GALNTL6: variants seen among roughly 807,000 people sequenced by gnomAD.
GALNTL6 encodes the protein polypeptide N-acetylgalactosaminyltransferase-like 6.
In GALNTL6, 46 loss-of-function variants were observed where a neutral mutation model predicts 73.7. The ratio of observed to expected loss-of-function variants is 0.62; its 90% CI spans 0.49 to 0.80. The LOEUF is 0.80. Among genes scored for constraint, GALNTL6 ranks in the 30% least tolerant of loss-of-function variants. The pLI, the probability that GALNTL6 is intolerant of heterozygous loss-of-function variation, is 0.00. For synonymous variants in GALNTL6, 259 were observed against 263.7 expected (o/e 0.98, Z 0.17); for missense variants, 604 against 755.0 (o/e 0.80, Z 2.34).
intron 5 of GALNTL6, among the ~76,000 whole-genome samples, chr4:172,633,861 TTA>T (rs1475147249): frequency 6.6e-6 from 1 of 152,226 alleles, no homozygotes; most frequent in Admixed American, 6.5e-5. Flanking sequence ...TCTGATGGTT[TTA>T]TAAATGGGAG....
At chr4:172,318,576 C>T (rs1361864154) in intron 4 of GALNTL6, among the ~76,000 whole-genome samples, 1 of 152,046 alleles carries the variant, frequency 6.6e-6, no homozygotes, top group Non-Finnish European at 1.5e-5. Context: ...GTGGTGGGCG[C>T]CTGTAATCCC....
chr4:172,606,979 G>A (rs1337795522), intron 5 of GALNTL6, among the ~76,000 whole-genome samples: 1 of 151,774 alleles, frequency 6.6e-6, no homozygotes, highest in Non-Finnish European at 1.5e-5. Context: ...AGAAACTGTG[G>A]TTACTCTGCT....
intron 5 of GALNTL6, among the ~76,000 whole-genome samples, chr4:172,771,113 T>C (rs1738736213): frequency 6.6e-6 from 1 of 152,196 alleles, no homozygotes; most frequent in South Asian, 2.1e-4. Flanking sequence ...CAAGAGAAAC[T>C]AAAATGGCTT....
At chr4:172,685,793 A>C (rs1732883710) in intron 5 of GALNTL6, among the ~76,000 whole-genome samples, 1 of 152,134 alleles carries the variant, frequency 6.6e-6, no homozygotes, top group South Asian at 2.1e-4. Context: ...TATTGTTTTC[A>C]TAGCACATTA....
intron 5 of GALNTL6, among the ~76,000 whole-genome samples, chr4:172,624,764 T>A (rs1230013555): frequency 6.7e-6 from 1 of 149,694 alleles, no homozygotes; most frequent in Admixed American, 6.7e-5. Context: ...CCTTGGTAGT[T>A]TTTTTTTTAT....
intron 5 of GALNTL6, among the ~76,000 whole-genome samples, chr4:172,477,987 G>A (rs1157116790): frequency 6.6e-6 from 1 of 152,124 alleles, no homozygotes; most frequent in Non-Finnish European, 1.5e-5. Context: ...AGAAGATAAT[G>A]ACCTGGAGGT....
At chr4:172,523,069 A>T (rs1439368851) in intron 5 of GALNTL6, among the ~76,000 whole-genome samples, 1 of 152,026 alleles carries the variant, frequency 6.6e-6, no homozygotes, top group African/African-American at 2.4e-5. Context: ...ATCTCTAAAC[A>T]TTTTGTCTCT....
At chr4:172,191,353 A>T (rs1395450040) in intron 2 of GALNTL6, among the ~76,000 whole-genome samples, 1 of 152,160 alleles carries the variant, frequency 6.6e-6, no homozygotes, top group Non-Finnish European at 1.5e-5. Context: ...TCACATAATT[A>T]AATATATCCT....
At chr4:172,334,291 G>T (rs1387599287) in intron 4 of GALNTL6, among the ~76,000 whole-genome samples, 4 of 152,132 alleles carry the variant, frequency 2.6e-5, no homozygotes, top group African/African-American at 9.7e-5. Flanking sequence ...GTGAAAAATG[G>T]TGTCGGCATT....
At chr4:172,956,123 G>A (rs775029642) in intron 10 of GALNTL6, among the ~76,000 whole-genome samples, 1 of 151,898 alleles carries the variant, frequency 6.6e-6, no homozygotes, top group Non-Finnish European at 1.5e-5. Flanking sequence ...GTGGTGGGGC[G>A]GCAAAATTTT....
intron 5 of GALNTL6, among the ~76,000 whole-genome samples, chr4:172,665,347 A>G (rs984126724): frequency 6.6e-6 from 1 of 152,240 alleles, no homozygotes; most frequent in South Asian, 2.1e-4. Flanking sequence ...GAAAAAATGA[A>G]CTTAGCAAAT....
At chr4:172,214,891 A>G (rs1328618361) in intron 2 of GALNTL6, among the ~76,000 whole-genome samples, 16 of 151,950 alleles carry the variant, frequency 1.1e-4, no homozygotes, top group Admixed American at 1.0e-3. Flanking sequence ...AACTTAGATT[A>G]TTGGCTTTAG....
At chr4:172,584,322 T>C (rs981455497) in intron 5 of GALNTL6, among the ~76,000 whole-genome samples, 2 of 152,052 alleles carry the variant, frequency 1.3e-5, no homozygotes, top group Non-Finnish European at 2.9e-5. Context: ...AAATTACATG[T>C]GAGAGAAAGA....
chr4:172,529,022 CATAT>C, intron 5 of GALNTL6, among the ~76,000 whole-genome samples: 1 of 88,326 alleles, frequency 1.1e-5, no homozygotes, highest in Middle Eastern at 7.5e-3. Context: ...CACACACACA[CATAT>C]ATATATATAT....
intron 2 of GALNTL6, among the ~76,000 whole-genome samples, chr4:172,105,533 C>T (rs928977133): frequency 6.6e-6 from 1 of 151,178 alleles, no homozygotes; most frequent in African/African-American, 2.4e-5. Context: ...AGCAAAGCCA[C>T]GTGTTGGCAC....
intron 2 of GALNTL6, among the ~76,000 whole-genome samples, chr4:171,947,936 T>C (rs922613181): frequency 6.6e-6 from 1 of 152,220 alleles, no homozygotes; most frequent in Admixed American, 6.5e-5. Context: ...AGGGTTCTAA[T>C]AACTGACTCT....
At chr4:172,895,114 A>G (rs1476502486) in intron 8 of GALNTL6, among the ~76,000 whole-genome samples, 4 of 151,656 alleles carry the variant, frequency 2.6e-5, no homozygotes, top group Non-Finnish European at 4.4e-5. Flanking sequence ...TATAGGCAGC[A>G]TATAGTTAGG....
intron 2 of GALNTL6, among the ~76,000 whole-genome samples, chr4:172,017,890 AC>A (rs1741259350): frequency 6.6e-6 from 1 of 152,094 alleles, no homozygotes; most frequent in Non-Finnish European, 1.5e-5. Flanking sequence ...GGATACAGGC[AC>A]CTGCTCTGCT....
intron 5 of GALNTL6, among the ~76,000 whole-genome samples, chr4:172,602,395 A>G (rs1379314368): frequency 2.0e-5 from 3 of 152,162 alleles, no homozygotes; most frequent in Non-Finnish European, 4.4e-5. Context: ...TTATTGCATA[A>G]TATGTATAAC....
Sources: allele counts gnomAD v4.1 joint callset (sites outside exome capture counted in the v4.1 genomes callset), GRCh38; gene constraint gnomAD v4.1.1; transcripts MANE v1.5; gene names NCBI Gene and HGNC (gene_info 2026-07-23, HGNC 2026-07-21).